Variants in ARL15 observed in about 807,000 individuals in gnomAD.
ARL15 encodes the protein ARF like GTPase 15, also known as ADP-ribosylation factor-like protein 15.
In ARL15, 19 loss-of-function variants were observed where a neutral mutation model predicts 25.2. The observed-to-expected ratio is 0.75, with a 90% confidence interval of 0.53 to 1.10. The LOEUF (loss-of-function observed/expected upper bound fraction) is 1.10. Ranked by LOEUF, ARL15 falls within the 50% of genes least tolerant of loss-of-function variation. The pLI, the probability that ARL15 is intolerant of heterozygous loss-of-function variation, is 0.00. For missense variants in ARL15, 220 were observed against 246.0 expected (o/e 0.89, Z 0.71); for synonymous variants, 94 against 86.8 (o/e 1.08, Z -0.46).
At chr5:53,991,414 C>T (rs545757686) in intron 4 of ARL15, among the ~76,000 whole-genome samples, 2 of 151,600 alleles carry the variant, frequency 1.3e-5, no homozygotes, top group Non-Finnish European at 1.5e-5. Flanking sequence ...TGGTTGCATG[C>T]GCCTGTAATC....
At chr5:54,167,346 C>T (rs1754603544) in intron 2 of ARL15, among the ~76,000 whole-genome samples, 1 of 152,168 alleles carries the variant, frequency 6.6e-6, no homozygotes, top group Non-Finnish European at 1.5e-5. Context: ...TTCATCTCCT[C>T]AATGCAGGGA....
chr5:54,290,790 C>T (rs1269718590), intron 1 of ARL15, among the ~76,000 whole-genome samples: 1 of 152,142 alleles, frequency 6.6e-6, no homozygotes, highest in African/African-American at 2.4e-5. Flanking sequence ...ACGTCCCATT[C>T]GTTTTTAATA....
chr5:53,888,320 A>G (rs1744601977), intron 4 of ARL15, among the ~76,000 whole-genome samples: 1 of 151,822 alleles, frequency 6.6e-6, no homozygotes, highest in South Asian at 2.1e-4. Context: ...TCAATCTGTC[A>G]CCCAGGCTGG....
At chr5:53,920,186 G>C (rs943217284) in intron 4 of ARL15, among the ~76,000 whole-genome samples, 1 of 151,988 alleles carries the variant, frequency 6.6e-6, no homozygotes, top group Non-Finnish European at 1.5e-5. Context: ...AACTTTTGGG[G>C]GTCTATTTTA....
intron 4 of ARL15, among the ~76,000 whole-genome samples, chr5:54,074,051 T>C (rs1751504588): frequency 6.6e-6 from 1 of 152,350 alleles, no homozygotes; most frequent in African/African-American, 2.4e-5. Flanking sequence ...TACAGAGTGA[T>C]AGCTGAATAT....
chr5:54,040,521 G>C (rs1431679256), intron 4 of ARL15, among the ~76,000 whole-genome samples: 1 of 152,084 alleles, frequency 6.6e-6, no homozygotes, highest in Non-Finnish European at 1.5e-5. Flanking sequence ...TATGTTCATT[G>C]TTCCCACAAA....
intron 1 of ARL15, among the ~76,000 whole-genome samples, chr5:54,284,432 G>C (rs1758138787): frequency 6.6e-6 from 1 of 152,140 alleles, no homozygotes; most frequent in African/African-American, 2.4e-5. Flanking sequence ...ATTGTTGTGT[G>C]TCTCTCACAG....
intron 1 of ARL15, among the ~76,000 whole-genome samples, chr5:54,292,254 T>A (rs1036860746): frequency 6.6e-6 from 1 of 152,166 alleles, no homozygotes; most frequent in Admixed American, 6.5e-5. Flanking sequence ...ATGTTCTTGC[T>A]TCTCCAAAGA....
chr5:54,276,627 G>A (rs1282082229), intron 1 of ARL15, among the ~76,000 whole-genome samples: 1 of 152,094 alleles, frequency 6.6e-6, no homozygotes, highest in East Asian at 1.9e-4. Flanking sequence ...CTAATCCCAG[G>A]AAACTGTGAA....
chr5:54,166,180 C>T (rs1264978287), intron 2 of ARL15, among the ~76,000 whole-genome samples: 1 of 151,856 alleles, frequency 6.6e-6, no homozygotes, highest in Admixed American at 6.6e-5. Context: ...ATTCACGTTT[C>T]TTTCTCTCTC....
chr5:54,074,268 T>G (rs1212377982), intron 4 of ARL15, among the ~76,000 whole-genome samples: 2 of 152,204 alleles, frequency 1.3e-5, no homozygotes, highest in Non-Finnish European at 2.9e-5. Context: ...GGAGGATGAT[T>G]ATGAAGCACC....
At chr5:53,958,192 G>GAA (rs70986652) in intron 4 of ARL15, among the ~76,000 whole-genome samples, 1 of 116,344 alleles carries the variant, frequency 8.6e-6, no homozygotes, top group African/African-American at 3.1e-5. Flanking sequence ...TCAAAAAAAA[G>GAA]AAAAAAAAAA....
intron 4 of ARL15, among the ~76,000 whole-genome samples, chr5:53,971,533 G>A (rs1168034031): frequency 6.6e-6 from 1 of 151,990 alleles, no homozygotes; most frequent in Non-Finnish European, 1.5e-5. Context: ...AGAAATTATT[G>A]AGTACATTAT....
intron 4 of ARL15, among the ~76,000 whole-genome samples, chr5:54,036,576 C>T (rs1215179265): frequency 1.3e-5 from 2 of 151,316 alleles, no homozygotes; most frequent in African/African-American, 4.9e-5. Context: ...CCTGTGAACT[C>T]ACTTGGGGGA....
intron 1 of ARL15, among the ~76,000 whole-genome samples, chr5:54,238,679 CT>C (rs1240797263): frequency 2.0e-5 from 3 of 152,266 alleles, no homozygotes; most frequent in Non-Finnish European, 2.9e-5. Context: ...CAAGAAAAAC[CT>C]TGAGTAAAAG....
At chr5:54,181,096 G>A (rs567212920) in intron 1 of ARL15, among the ~76,000 whole-genome samples, 1 of 152,264 alleles carries the variant, frequency 6.6e-6, no homozygotes, top group Admixed American at 6.5e-5. Flanking sequence ...TTAAAGAAAT[G>A]AATTCAAGAT....
At chr5:53,988,862 G>A (rs930020449) in intron 4 of ARL15, among the ~76,000 whole-genome samples, 3 of 152,124 alleles carry the variant, frequency 2.0e-5, no homozygotes, top group Non-Finnish European at 2.9e-5. Context: ...GAGGAGTGGT[G>A]AATTTCTGAA....
chr5:54,268,378 T>G (rs1757684508), intron 1 of ARL15, among the ~76,000 whole-genome samples: 2 of 152,200 alleles, frequency 1.3e-5, no homozygotes, highest in Non-Finnish European at 1.5e-5. Context: ...CTAAATTTTT[T>G]TCAAAGTTTT....
At chr5:54,247,566 A>C (rs572132866) in intron 1 of ARL15, among the ~76,000 whole-genome samples, 5 of 150,900 alleles carry the variant, frequency 3.3e-5, no homozygotes, top group Non-Finnish European at 7.4e-5. Flanking sequence ...AAAGAATGGG[A>C]GGAAAGGAAG....
Sources: allele counts gnomAD v4.1 joint callset (sites outside exome capture counted in the v4.1 genomes callset), GRCh38; gene constraint gnomAD v4.1.1; transcripts MANE v1.5; gene names NCBI Gene and HGNC (gene_info 2026-07-23, HGNC 2026-07-21).